The following FHL1 variants were observed in gnomAD, a reference collection of about 807,000 sequenced individuals.
FHL1 encodes four and a half LIM domains protein 1.
Under a neutral mutation model 20.3 loss-of-function variants are expected in FHL1, and 1 was observed. The ratio of observed to expected loss-of-function variants is 0.05; its 90% CI spans 0.02 to 0.23. FHL1 has a LOEUF of 0.23. FHL1 is among the 10% of genes least tolerant of loss of function. The pLI, the probability that FHL1 is intolerant of heterozygous loss-of-function variation, is 1.00. For synonymous variants in FHL1, 82 were observed against 88.9 expected (o/e 0.92, Z 0.44); for missense variants, 177 against 234.0 (o/e 0.76, Z 1.59).
At chrX:136,183,361 A>C (rs905037342) in intron 2 of FHL1, among the ~76,000 whole-genome samples, 1 of 111,443 alleles carries the variant, frequency 9.0e-6, no homozygotes, top group Non-Finnish European at 1.9e-5. Flanking sequence ...CTTGGAAGAA[A>C]CCATTAGGTT....
chrX:136,179,140 C>T (rs987985242), intron 2 of FHL1, among the ~76,000 whole-genome samples: 4 of 111,688 alleles, frequency 3.6e-5, no homozygotes, highest in Admixed American at 9.5e-5. Context: ...TTCCCAGGAC[C>T]GGTAGAGTTT....
At chrX:136,183,104 A>AAC (rs1556635231) in intron 2 of FHL1, among the ~76,000 whole-genome samples, 1 of 101,233 alleles carries the variant, frequency 9.9e-6, no homozygotes, top group African/African-American at 3.4e-5. Context: ...CAAAAAAAAA[A>AAC]AAAACAAAAA....
chrX:136,155,109 G>A (rs2072377273), intron 1 of FHL1, among the ~76,000 whole-genome samples: 1 of 112,004 alleles, frequency 8.9e-6, no homozygotes, highest in South Asian at 3.7e-4. Context: ...TTCTCTCTTT[G>A]TATCTGTTTC....
chrX:136,188,415 C>T (rs957378981), intron 2 of FHL1, among the ~76,000 whole-genome samples: 1 of 111,212 alleles, frequency 9.0e-6, no homozygotes, highest in African/African-American at 3.3e-5. Flanking sequence ...GCTGATATGC[C>T]CCTGTTCCCT....
chrX:136,175,800 A>G (rs773840401), intron 2 of FHL1, among the ~76,000 whole-genome samples: 1 of 112,707 alleles, frequency 8.9e-6, no homozygotes, highest in East Asian at 2.8e-4. Flanking sequence ...CAAGAACTAG[A>G]AGGCACAAGG....
chrX:136,155,404 A>G (rs1433058135), intron 1 of FHL1, among the ~76,000 whole-genome samples: 2 of 112,231 alleles, frequency 1.8e-5, no homozygotes, highest in African/African-American at 6.5e-5. Context: ...CAAAATATGT[A>G]CAGAGATTAC....
intron 2 of FHL1, among the ~76,000 whole-genome samples, chrX:136,170,148 G>A (rs2072824362): frequency 9.0e-6 from 1 of 111,383 alleles, no homozygotes; most frequent in Non-Finnish European, 1.9e-5. Flanking sequence ...TTAGCTCTCG[G>A]GGGCAATGTC....
intron 2 of FHL1, 80 bp from the exon 3 acceptor site, chrX:136,206,936 G>T: frequency 9.2e-7 from 1 of 1,084,888 alleles, no homozygotes; most frequent in Non-Finnish European, 1.3e-6. Context: ...CAGTCCCAGG[G>T]AAATCAGCCT....
At chrX:136,205,392 C>T (rs1471364880) in intron 1 of FHL1, among the ~76,000 whole-genome samples, 2 of 111,788 alleles carry the variant, frequency 1.8e-5, no homozygotes, top group African/African-American at 6.5e-5. Context: ...ATTTTTAAGA[C>T]AGCAAATATC....
At chrX:136,208,673 G>A in intron 5 of FHL1, 32 bp downstream of exon 5, 1 of 1,181,758 alleles carries the variant, frequency 8.5e-7, no homozygotes. Context: ...AAGTCTGCCA[G>A]GCTAGGTTTT....
intron 1 of FHL1, among the ~76,000 whole-genome samples, chrX:136,198,581 C>A (rs1478836905): frequency 9.0e-6 from 1 of 111,660 alleles, no homozygotes; most frequent in African/African-American, 3.3e-5. Flanking sequence ...AAGAATCAGT[C>A]CATGAGACAG....
chrX:136,205,432 G>A (rs2073815665), intron 1 of FHL1, among the ~76,000 whole-genome samples: 1 of 112,046 alleles, frequency 8.9e-6, no homozygotes, highest in Non-Finnish European at 1.9e-5. Context: ...ACACTTCTAT[G>A]AGCATATTGA....
chrX:136,169,009 G>A (rs935625982), upstream of FHL1, among the ~76,000 whole-genome samples: 3 of 111,591 alleles, frequency 2.7e-5, no homozygotes, highest in Admixed American at 1.9e-4. Flanking sequence ...TGGGTCCCCC[G>A]CCCAAGGCAC....
intron 1 of FHL1, among the ~76,000 whole-genome samples, chrX:136,161,707 G>A (rs958409424): frequency 3.6e-5 from 4 of 111,630 alleles, no homozygotes; most frequent in African/African-American, 9.8e-5. Flanking sequence ...TGCCAATTTA[G>A]GAAAAGTATG....
intron 1 of FHL1, among the ~76,000 whole-genome samples, chrX:136,158,996 A>G (rs1452263369): frequency 9.0e-6 from 1 of 110,847 alleles, no homozygotes; most frequent in Admixed American, 9.7e-5. Context: ...ATTATAATGT[A>G]TTAACGTTGG....
rs762475426 is a variant in FHL1, at chrX:136,158,604, T to C, written c.-101+10976T>C. ...AGGGCAGCAGACTAATTCCAATGTG[T>C]CAGATAGCATCTTGGAGGCTGTTTC... On this transcript the variant is annotated intron_variant, in intron 1 of 7. Transcript: ENST00000394155. Among the ~76,000 whole-genome samples the C allele has an allele frequency of 4.5e-5, 5 of 111,353 alleles. No homozygotes were observed. In the South Asian group the frequency reaches 1.9e-3, roughly 43 times the overall value.
chrX:136,159,907 T>C (rs2148278028), intron 1 of FHL1, among the ~76,000 whole-genome samples: 1 of 112,245 alleles, frequency 8.9e-6, no homozygotes, highest in East Asian at 2.8e-4. Flanking sequence ...ATGCCAACTC[T>C]GAGCCAATAT....
At chrX:136,172,424 T>A (rs1462423888) in intron 2 of FHL1, among the ~76,000 whole-genome samples, 2 of 112,528 alleles carry the variant, frequency 1.8e-5, no homozygotes, top group Non-Finnish European at 3.8e-5. Flanking sequence ...AACTGAAAAT[T>A]GCTTTGCTTT....
At chrX:136,208,368 A>C (rs1157559823) in intron 4 of FHL1, 87 bp from the exon 5 acceptor site, 29 of 1,002,019 alleles carry the variant, frequency 2.9e-5, no homozygotes, top group Non-Finnish European at 4.0e-5. Flanking sequence ...TTGTATACCA[A>C]AGCGCCCAGC....
Sources: gnomAD v4.1 joint callset for allele counts (sites outside exome capture counted in the v4.1 genomes callset) on GRCh38, gnomAD v4.1.1 for gene constraint, MANE v1.5 for transcripts, NCBI Gene and HGNC (gene_info 2026-07-23, HGNC 2026-07-21) for gene names.